PRKD1: variants seen among roughly 807,000 people sequenced by gnomAD.
The protein encoded by PRKD1 is serine/threonine-protein kinase D1.
In PRKD1, 63 loss-of-function variants were observed where a neutral mutation model predicts 95.9. The observed-to-expected ratio is 0.66, with a 90% CI of 0.54 to 0.81. The LOEUF (loss-of-function observed/expected upper bound fraction) is 0.81. Among genes scored for constraint, PRKD1 ranks in the 30% least tolerant of loss-of-function variants. The pLI is 0.00. For missense variants in PRKD1, 1,048 were observed against 1,165.3 expected (o/e 0.90, Z 1.47); for synonymous variants, 425 against 423.1 (o/e 1.00, Z -0.05).
intron 4 of PRKD1, among the ~76,000 whole-genome samples, chr14:29,651,603 T>C (rs1594396707): frequency 6.6e-6 from 1 of 151,832 alleles, no homozygotes; most frequent in South Asian, 2.1e-4. Context: ...TCCAATCTTC[T>C]ACTCTCCTCT....
chr14:29,880,003 G>A (rs538573559), intron 1 of PRKD1, among the ~76,000 whole-genome samples: 1 of 152,144 alleles, frequency 6.6e-6, no homozygotes, highest in Non-Finnish European at 1.5e-5. Flanking sequence ...GAGCATAAAG[G>A]TTCACAAAAT....
intron 2 of PRKD1, among the ~76,000 whole-genome samples, chr14:29,699,350 ACT>A: frequency 6.6e-6 from 1 of 152,140 alleles, no homozygotes; most frequent in African/African-American, 2.4e-5. Context: ...TTAATTTTTG[ACT>A]GTCTGCTAGG....
intron 1 of PRKD1, among the ~76,000 whole-genome samples, chr14:29,770,438 CCA>C (rs1240964979): frequency 2.0e-5 from 3 of 152,076 alleles, no homozygotes; most frequent in Non-Finnish European, 4.4e-5. Context: ...GAGAAAAACC[CCA>C]GTCTTCTTAG....
At chr14:29,761,335 C>A (rs1887970722) in intron 1 of PRKD1, among the ~76,000 whole-genome samples, 1 of 152,148 alleles carries the variant, frequency 6.6e-6, no homozygotes, top group South Asian at 2.1e-4. Flanking sequence ...GTTCAATGCC[C>A]AAATTCATAA....
chr14:29,891,201 A>G (rs1042647865), intron 1 of PRKD1, among the ~76,000 whole-genome samples: 1 of 152,232 alleles, frequency 6.6e-6, no homozygotes, highest in Non-Finnish European at 1.5e-5. Context: ...CCTTTAAAGT[A>G]GTATAATTTT....
chr14:29,710,061 T>A lies in PRKD1; in HGVS notation c.403+15475A>T, dbSNP rs1885267475. On this transcript the variant is annotated intron_variant, in intron 2 of 17. Coordinates refer to ENST00000331968, the MANE Select transcript of PRKD1 (RefSeq NM_002742.3). ...GGAAAGTTGAATTAAAAAACAGAAC[T>A]ATGGCAAGAAGCACTAGAATTCATG... 3.3e-5 allele frequency among the ~76,000 whole-genome samples: 5 copies of A among 152,132 alleles called. No homozygotes were observed. The South Asian group carries it at 1.0e-3, about 32-fold the overall frequency.
chr14:29,630,203 G>C (rs1026734885), intron 10 of PRKD1, among the ~76,000 whole-genome samples: 9 of 151,950 alleles, frequency 5.9e-5, no homozygotes, highest in African/African-American at 2.2e-4. Flanking sequence ...GCAGTGGCTT[G>C]ATCTTGGCTC....
In PRKD1 at chr14:29,705,723, T is replaced by TAC. The variant is rs141866608; in HGVS notation, c.403+19812_403+19813insGT. 8.9e-3 allele frequency among the ~76,000 whole-genome samples: 1,360 copies of TAC among 152,180 alleles called. 18 individuals carry two copies. Among genetic ancestry groups the TAC allele is most frequent in the African/African-American group, 0.031 (1,307 of 41,538 alleles). ...TTCCAGACATTTCATATAAATGCCA[T>TAC]ATAACATATAAACTGACTGGCTTCT... On this transcript the variant is annotated intron_variant, in intron 2 of 17. Transcript: ENST00000331968.
chr14:29,661,514 G>A (rs549181321), intron 4 of PRKD1, among the ~76,000 whole-genome samples: 1 of 152,102 alleles, frequency 6.6e-6, no homozygotes, highest in African/African-American at 2.4e-5. Flanking sequence ...TTTTGTTCCC[G>A]TATGAAGAAG....
chr14:29,874,961 C>T (rs1893235359), intron 1 of PRKD1, among the ~76,000 whole-genome samples: 1 of 152,042 alleles, frequency 6.6e-6, no homozygotes. Flanking sequence ...CAATATATTG[C>T]ACATTTCAAA....
At chr14:29,693,017 A>G (rs532861886) in intron 2 of PRKD1, among the ~76,000 whole-genome samples, 4 of 152,184 alleles carry the variant, frequency 2.6e-5, no homozygotes, top group Non-Finnish European at 4.4e-5. Flanking sequence ...TTGCTCAGTA[A>G]TACAATGCGT....
chr14:29,651,318 C>T (rs1186399096), intron 4 of PRKD1, among the ~76,000 whole-genome samples: 5 of 152,182 alleles, frequency 3.3e-5, no homozygotes, highest in Admixed American at 6.5e-5. Flanking sequence ...ATAGATACCA[C>T]TAAAAACTGG....
intron 8 of PRKD1, 150 bp downstream of exon 8, chr14:29,634,268 G>T (rs1005633821): frequency 8.6e-7 from 1 of 1,166,562 alleles, no homozygotes; most frequent in Non-Finnish European, 1.2e-6. Context: ...GACACCCAGA[G>T]ACTGTAATGC....
intron 1 of PRKD1, among the ~76,000 whole-genome samples, chr14:29,862,738 G>A (rs1436193325): frequency 6.6e-6 from 1 of 151,996 alleles, no homozygotes; most frequent in African/African-American, 2.4e-5. Flanking sequence ...ATAGAGTTGT[G>A]TAAGCTCCTT....
Position 29,826,744 on chromosome 14 carries a change from CACATATATATATACAT to C in PRKD1, c.264+100489_264+100504del, listed in dbSNP as rs1298582319. Among the ~76,000 whole-genome samples the C allele has an allele frequency of 4.2e-3, 152 of 36,242 alleles. 10 individuals carry two copies. The highest frequency in any genetic ancestry group is 0.012 in the African/African-American group (115 of 9,436). The allele number at this position is 36,242 out of a possible 152,430, so 23.8% of individuals were successfully genotyped here. On this transcript the variant is annotated intron_variant, in intron 1 of 17. Coordinates refer to ENST00000331968, the MANE Select transcript of PRKD1 (RefSeq NM_002742.3). ...ATACATATATATACACATATATATA[CACATATATATATACAT>C]ATATATATACACATATATATACATA...
chr14:29,753,570 T>A (rs1263183138), intron 1 of PRKD1, among the ~76,000 whole-genome samples: 6 of 152,136 alleles, frequency 3.9e-5, no homozygotes, highest in African/African-American at 1.4e-4. Context: ...CTATGCCTAC[T>A]CTATTGCCTT....
chr14:29,927,159 G>A (rs1895331987), intron 1 of PRKD1, 90 bp downstream of exon 1: 3 of 1,286,630 alleles, frequency 2.3e-6, no homozygotes, highest in Non-Finnish European at 2.0e-6. Context: ...CGAGCCCCGG[G>A]AGCCGGAAAG....
At chr14:29,831,472 G>C (rs111525711) in intron 1 of PRKD1, among the ~76,000 whole-genome samples, 5,124 of 137,414 alleles carry the variant, frequency 0.037, 139 homozygotes, top group Non-Finnish European at 0.06. Context: ...TTTTTTGGTT[G>C]GTTGTTTGTT....
chr14:29,715,689 C>G (rs759591576), intron 2 of PRKD1, among the ~76,000 whole-genome samples: 1 of 152,174 alleles, frequency 6.6e-6, no homozygotes, highest in Admixed American at 6.6e-5. Context: ...CCTATCACCT[C>G]TTTATTAAAG....
Sources: allele counts gnomAD v4.1 joint callset (sites outside exome capture counted in the v4.1 genomes callset), GRCh38; gene constraint gnomAD v4.1.1; transcripts MANE v1.5; gene names NCBI Gene and HGNC (gene_info 2026-07-23, HGNC 2026-07-21).